The following LRRC14 variants were observed in gnomAD, a reference collection of about 807,000 sequenced individuals.
LRRC14 encodes the protein leucine rich repeat containing 14.
LRRC14 carries 16 observed loss-of-function variants against 25.3 expected under a neutral mutation model. That is an observed-to-expected ratio of 0.63 (90% CI 0.43 to 0.96). The LOEUF is 0.96. Among genes scored for constraint, LRRC14 ranks in the 40% least tolerant of loss-of-function variants. LRRC14 has a pLI of 0.00. For missense variants in LRRC14, 594 were observed against 660.5 expected (o/e 0.90, Z 1.10); for synonymous variants, 359 against 295.1 (o/e 1.22, Z -2.22).
In LRRC14 at chr8:144,522,734, C is replaced by G; in HGVS notation, c.*1256C>G. The G allele has an allele frequency of 6.3e-7, 1 of 1,591,382 alleles. No homozygotes were observed. The highest frequency in any genetic ancestry group is 1.4e-5 in the African/African-American group (1 of 73,646). Reference sequence around the variant, plus strand: ...CCGCGCCTTTTTTCGCCTGCGGCGCCGGCGACAGATCATGGCGACCAGGAG... The same window carrying G: ...CCGCGCCTTTTTTCGCCTGCGGCGCGGGCGACAGATCATGGCGACCAGGAG... On this transcript the variant is annotated 3_prime_UTR_variant, in exon 4 of 4. Transcript: ENST00000292524.
At position 144,520,988 on chromosome 8, in the gene LRRC14, G is replaced by A. The variant is rs752226395; in HGVS notation, c.992G>A (p.Arg331Gln). Residue 331 changes from arginine (R) to glutamine (Q), a missense_variant, in exon 4 of 4, where the codon CGG becomes CAG. Transcript: ENST00000292524. ...LLPEDLRFLA[R>Q]SPHAAHLKKL... The stretch of plus-strand genomic sequence containing the variant: ...CCTGAGGACCTACGCTTCCTGGCAC[G>A]GAGCCCACATGCTGCCCACCTCAAG... 17 of 1,613,148 alleles carry A rather than the reference G, an allele frequency of 1.1e-5. No homozygotes were observed. The highest frequency in any genetic ancestry group is 1.1e-5 in the South Asian group (1 of 91,084).
At position 144,524,533 on chromosome 8, in the gene LRRC14, CGCTGCGCAA is replaced by C; in HGVS notation, c.*3058_*3066del. On this transcript the variant is annotated 3_prime_UTR_variant, in exon 4 of 4. Coordinates refer to ENST00000292524, the MANE Select transcript of LRRC14 (RefSeq NM_014665.4). ...AGCTGGGCCAGGCCTACGAAGGCGC[CGCTGCGCAA>C]GCCGCGCAGCCGGTTGCTAGTGAGC... 1.3e-5 allele frequency: 20 copies of C among 1,587,652 alleles called. No individual in the cohort carries two copies. The highest frequency in any genetic ancestry group is 1.6e-5 in the Non-Finnish European group (19 of 1,175,598).
chr8:144,524,130 A>G lies in LRRC14; in HGVS notation c.*2652A>G, dbSNP rs1438654223. 2 of 1,604,006 alleles carry G rather than the reference A, an allele frequency of 1.2e-6. No individual in the cohort carries two copies. The highest frequency in any genetic ancestry group is 1.7e-6 in the Non-Finnish European group (2 of 1,173,410). ...GGTACCTGTGAGGCGCAGGACTTGC[A>G]GACTGGCCAGGGGCTGCAGGGCCTC... On this transcript the variant is annotated 3_prime_UTR_variant, in exon 4 of 4. Transcript: ENST00000292524.
At position 144,522,349 on chromosome 8, in the gene LRRC14, C is replaced by A; in HGVS notation, c.*871C>A. Reference sequence around the variant, plus strand: ...GCTACCCCAGGATTCCCGAGTGCAACGTTCCCGGCTCGCGCCCCACACACG... The same window carrying A: ...GCTACCCCAGGATTCCCGAGTGCAAAGTTCCCGGCTCGCGCCCCACACACG... On this transcript the variant is annotated 3_prime_UTR_variant, in exon 4 of 4. Coordinates refer to ENST00000292524, the MANE Select transcript of LRRC14 (RefSeq NM_014665.4). 1 of 1,307,186 alleles carries A rather than the reference C, an allele frequency of 7.7e-7. No individual in the cohort carries two copies. Among genetic ancestry groups the A allele is most frequent in the Non-Finnish European group, 9.8e-7 (1 of 1,023,608 alleles). The allele number at this position is 1,307,186 out of a possible 1,614,324, so 81.0% of individuals were successfully genotyped here. A position where few individuals can be genotyped will look rare whatever the true frequency, so the allele number is the denominator to read the frequency against.
In LRRC14 at chr8:144,524,987, G is replaced by T; in HGVS notation, c.*3509G>T. ...CCCTCAGGGCCATCTCCCGAGGCCCGGTTCCTCACCGGCCCTTCCGCGGTT... is the reference window on the plus strand; with the variant it reads ...CCCTCAGGGCCATCTCCCGAGGCCCTGTTCCTCACCGGCCCTTCCGCGGTT... On this transcript the variant is annotated 3_prime_UTR_variant, in exon 4 of 4. Transcript: ENST00000292524. 2 of 1,439,972 alleles carry T rather than the reference G, an allele frequency of 1.4e-6. No homozygotes were observed. The highest frequency in any genetic ancestry group is 1.8e-6 in the Non-Finnish European group (2 of 1,098,420). 89.2% of individuals were successfully genotyped at this position (1,439,972 alleles called of 1,614,324 possible). A position where few individuals can be genotyped will look rare whatever the true frequency, so the allele number is the denominator to read the frequency against.
At position 144,522,089 on chromosome 8, in the gene LRRC14, A is replaced by G; in HGVS notation, c.*611A>G. ...TATCCTTATCTCTGCTGTCACCCCC[A>G]ACATGGCCACCCGGCAACAACTGCC... is the stretch of plus-strand genomic sequence containing the variant. On this transcript the variant is annotated 3_prime_UTR_variant, in exon 4 of 4. Transcript: ENST00000292524. 4.2e-6 allele frequency: 1 copy of G among 240,174 alleles called. No individual in the cohort carries two copies. The highest frequency in any genetic ancestry group is 5.7e-5 in the Admixed American group (1 of 17,588). The allele number at this position is 240,174 out of a possible 1,614,324, so 14.9% of individuals were successfully genotyped here.
At position 144,522,630 on chromosome 8, in the gene LRRC14, G is replaced by T. The variant is rs1161922907; in HGVS notation, c.*1152G>T. 6.3e-7 allele frequency: 1 copy of T among 1,577,188 alleles called. No homozygotes were observed. Among genetic ancestry groups the T allele is most frequent in the Admixed American group, 1.8e-5 (1 of 56,154 alleles). On this transcript the variant is annotated 3_prime_UTR_variant, in exon 4 of 4. Transcript: ENST00000292524. ...AACATCTCGTGGCCGCGCTCGTCGCGGAGCTCCTCTAGCTGTGCGAACGTA... is the reference window on the plus strand; with the variant it reads ...AACATCTCGTGGCCGCGCTCGTCGCTGAGCTCCTCTAGCTGTGCGAACGTA...
At chr8:144,519,394 G>C in intron 1 of LRRC14, 1 of 437,536 alleles carries the variant, frequency 2.3e-6, no homozygotes. Context: ...GGGGGGCCCT[G>C]CAAGGCAACA....
rs369669808 is a variant in LRRC14, at chr8:144,525,018, G to T, written c.*3540G>T. 7.2e-7 allele frequency: 1 copy of T among 1,395,142 alleles called. No homozygotes were observed. Among genetic ancestry groups the T allele is most frequent in the Admixed American group, 3.1e-5 (1 of 32,056 alleles). The allele number at this position is 1,395,142 out of a possible 1,614,324, so 86.4% of individuals were successfully genotyped here. A position where few individuals can be genotyped will look rare whatever the true frequency, so the allele number is the denominator to read the frequency against. ...TCACCGGCCCTTCCGCGGTTCAGCC[G>T]CAGACGCGTGCCCTCCTGAAACACA... On this transcript the variant is annotated 3_prime_UTR_variant, in exon 4 of 4. Transcript: ENST00000292524.
In LRRC14 at chr8:144,524,851, G is replaced by A. The variant is rs1340483310; in HGVS notation, c.*3373G>A. 6.7e-7 allele frequency: 1 copy of A among 1,488,520 alleles called. No homozygotes were observed. The allele number at this position is 1,488,520 out of a possible 1,614,324, so 92.2% of individuals were successfully genotyped here. A position where few individuals can be genotyped will look rare whatever the true frequency, so the allele number is the denominator to read the frequency against. ...GGCGGGATTCCCAGCGGGACGACGC[G>A]CAACCGCAGGGCGCCACACTCCACC... On this transcript the variant is annotated 3_prime_UTR_variant, in exon 4 of 4. Transcript: ENST00000292524.
Position 144,521,611 on chromosome 8 carries a change from G to A in LRRC14, c.*133G>A. The A allele has an allele frequency of 2.2e-6, 2 of 910,414 alleles. No homozygotes were observed. The highest frequency in any genetic ancestry group is 3.5e-5 in the South Asian group (2 of 57,060). The allele number at this position is 910,414 out of a possible 1,614,324, so 56.4% of individuals were successfully genotyped here. A position where few individuals can be genotyped will look rare whatever the true frequency, so the allele number is the denominator to read the frequency against. On this transcript the variant is annotated 3_prime_UTR_variant, in exon 4 of 4. Coordinates refer to ENST00000292524, the MANE Select transcript of LRRC14 (RefSeq NM_014665.4). The stretch of plus-strand genomic sequence containing the variant: ...TTCCTGCTGGGTCTACCTTGCTTCT[G>A]GGCACACCTCAAGCCTCCCCTGCTT...
At position 144,522,651 on chromosome 8, in the gene LRRC14, A is replaced by C. The variant is rs144936052; in HGVS notation, c.*1173A>C. The C allele has an allele frequency of 6.3e-7, 1 of 1,587,860 alleles. No individual in the cohort carries two copies. The highest frequency in any genetic ancestry group is 1.4e-5 in the African/African-American group (1 of 72,688). The stretch of plus-strand genomic sequence containing the variant: ...TCGCGGAGCTCCTCTAGCTGTGCGA[A>C]CGTACAGGGGCCGTCCAAGTAGTCG... On this transcript the variant is annotated 3_prime_UTR_variant, in exon 4 of 4. Transcript: ENST00000292524.
Position 144,524,283 on chromosome 8 carries a change from A to G in LRRC14, c.*2805A>G. On this transcript the variant is annotated 3_prime_UTR_variant, in exon 4 of 4. Transcript: ENST00000292524. ...CAGGTGAAGCTCCTGCAGTCGCTGA[A>G]GTAAGGACAGCAGATCGTGAGGAAA... 1 of 1,611,244 alleles carries G rather than the reference A, an allele frequency of 6.2e-7. No homozygotes were observed. The highest frequency in any genetic ancestry group is 8.5e-7 in the Non-Finnish European group (1 of 1,179,914).
chr8:144,525,034 C>T lies in LRRC14; in HGVS notation c.*3556C>T, dbSNP rs1816312493. On this transcript the variant is annotated 3_prime_UTR_variant, in exon 4 of 4. Coordinates refer to ENST00000292524, the MANE Select transcript of LRRC14 (RefSeq NM_014665.4). ...GGTTCAGCCGCAGACGCGTGCCCTC[C>T]TGAAACACAGGTTGGCAGGCCAGTC... 3.7e-6 allele frequency: 5 copies of T among 1,369,032 alleles called. No individual in the cohort carries two copies. The highest frequency in any genetic ancestry group is 4.7e-6 in the Non-Finnish European group (5 of 1,064,948). The allele number at this position is 1,369,032 out of a possible 1,614,324, so 84.8% of individuals were successfully genotyped here.
chr8:144,523,538 G>A lies in LRRC14; in HGVS notation c.*2060G>A. ...ACAGCGTTTTCACACGGAGTCCAAG[G>A]CCCTGCCACCCCTTCCTTGACCCCA... On this transcript the variant is annotated 3_prime_UTR_variant, in exon 4 of 4. Coordinates refer to ENST00000292524, the MANE Select transcript of LRRC14 (RefSeq NM_014665.4). The A allele has an allele frequency of 2.2e-6, 3 of 1,361,746 alleles. No individual in the cohort carries two copies. The highest frequency in any genetic ancestry group is 2.8e-6 in the Non-Finnish European group (3 of 1,058,766). 84.4% of individuals were successfully genotyped at this position (1,361,746 alleles called of 1,614,324 possible). A position where few individuals can be genotyped will look rare whatever the true frequency, so the allele number is the denominator to read the frequency against.
At position 144,520,337 on chromosome 8, in the gene LRRC14, A is replaced by T; in HGVS notation, c.429A>T (p.Val143=). 1.2e-6 allele frequency: 2 copies of T among 1,612,110 alleles called. No individual in the cohort carries two copies. The highest frequency in any genetic ancestry group is 1.7e-6 in the Non-Finnish European group (2 of 1,179,914). ...TMSMWDCTAA[V]ARTCIAQQQG... ...GCATGTGGGACTGTACTGCTGCCGT[A>T]GCTCGCACATGCATTGCCCAGCAGC... The change falls in exon 3 of 4, where the codon GTA becomes GTT. Residue 143 remains valine, a synonymous_variant. Transcript: ENST00000292524.
chr8:144,522,687 G>C lies in LRRC14; in HGVS notation c.*1209G>C, dbSNP rs2130786447. Reference sequence around the variant, plus strand: ...CCGTCCAAGTAGTCGTTGACGAACAGCGCTCCCTCCCCCGGAGGCCCCCGC... The same window carrying C: ...CCGTCCAAGTAGTCGTTGACGAACACCGCTCCCTCCCCCGGAGGCCCCCGC... On this transcript the variant is annotated 3_prime_UTR_variant, in exon 4 of 4. Transcript: ENST00000292524. The C allele has an allele frequency of 6.3e-7, 1 of 1,596,630 alleles. No homozygotes were observed. The highest frequency in any genetic ancestry group is 1.1e-5 in the South Asian group (1 of 88,846).
In LRRC14 at chr8:144,522,872, G is replaced by C; in HGVS notation, c.*1394G>C. The C allele has an allele frequency of 7.9e-7, 1 of 1,265,554 alleles. No individual in the cohort carries two copies. Among genetic ancestry groups the C allele is most frequent in the Non-Finnish European group, 9.9e-7 (1 of 1,012,302 alleles). 78.4% of individuals were successfully genotyped at this position (1,265,554 alleles called of 1,614,324 possible). ...CTCGGGCCGGGGCTCGCTGCCGGCG[G>C]GGCGGGCGGCCGGAGGCGGCGGTTG... On this transcript the variant is annotated 3_prime_UTR_variant, in exon 4 of 4. Transcript: ENST00000292524.
rs944737724 is a variant in LRRC14 at position 144,518,025 on chromosome 8, C to T, written c.-128C>T. ...GTCTAGGCGGGGCTGGAGGCGGTGGCTGCGGTTGCGGGACCGGTGAGCGCG... is the reference window on the plus strand; with the variant it reads ...GTCTAGGCGGGGCTGGAGGCGGTGGTTGCGGTTGCGGGACCGGTGAGCGCG... On this transcript the variant is annotated 5_prime_UTR_variant, in exon 1 of 4. Transcript: ENST00000292524. 3.4e-5 allele frequency: 6 copies of T among 176,310 alleles called. No individual in the cohort carries two copies. Among genetic ancestry groups the T allele is most frequent in the Admixed American group, 6.4e-5 (1 of 15,670 alleles). The allele number at this position is 176,310 out of a possible 1,614,324, so 10.9% of individuals were successfully genotyped here. A position where few individuals can be genotyped will look rare whatever the true frequency, so the allele number is the denominator to read the frequency against.
Sources: allele counts gnomAD v4.1 joint callset, GRCh38; gene constraint gnomAD v4.1.1; transcripts MANE v1.5; gene names NCBI Gene and HGNC (gene_info 2026-07-23, HGNC 2026-07-21).